GALNT17: variants seen among roughly 807,000 people sequenced by gnomAD.
GALNT17 encodes polypeptide N-acetylgalactosaminyltransferase 17.
Under a neutral mutation model 63.7 loss-of-function variants are expected in GALNT17, and 29 were observed. The ratio of observed to expected loss-of-function variants is 0.46; its 90% CI spans 0.34 to 0.62. The LOEUF (loss-of-function observed/expected upper bound fraction) is 0.62, where lower values mean the gene tolerates loss of function less well. GALNT17 is among the 20% of genes least tolerant of loss of function. The pLI, the probability that GALNT17 is intolerant of heterozygous loss-of-function variation, is 0.01. For missense variants in GALNT17, 603 were observed against 799.6 expected, an observed-to-expected ratio of 0.75 and a Z score of 2.97; for synonymous variants, 305 against 318.3, an observed-to-expected ratio of 0.96 and a Z score of 0.45.
intron 1 of GALNT17, among the ~76,000 whole-genome samples, chr7:71,212,287 C>G (rs1243356112): frequency 6.6e-6 from 1 of 152,200 alleles, no homozygotes; most frequent in African/African-American, 2.4e-5. Context: ...GCAGCTTCCA[C>G]ATGTTGTTGA....
chr7:71,454,534 C>T (rs1401708815), intron 5 of GALNT17, among the ~76,000 whole-genome samples: 1 of 152,116 alleles, frequency 6.6e-6, no homozygotes, highest in African/African-American at 2.4e-5. Context: ...CTTCCCAGGC[C>T]ATTCTGACAG....
intron 2 of GALNT17, among the ~76,000 whole-genome samples, chr7:71,359,759 C>G (rs1296778748): frequency 1.3e-5 from 2 of 151,750 alleles, no homozygotes; most frequent in African/African-American, 2.4e-5. Flanking sequence ...AATTTTTGTG[C>G]TTTTAGTAGA....
intron 1 of GALNT17, among the ~76,000 whole-genome samples, chr7:71,255,124 A>G (rs1032604806): frequency 2.6e-5 from 4 of 152,170 alleles, no homozygotes; most frequent in East Asian, 1.9e-4. Flanking sequence ...CAATGATCCT[A>G]TGCTAGGAAT....
rs375727681 is a variant in GALNT17 at position 71,488,688 on chromosome 7, T to C, written c.962+67583T>C. 1.2e-4 allele frequency among the ~76,000 whole-genome samples: 18 copies of C among 149,828 alleles called. No individual in the cohort carries two copies. In the East Asian group the frequency reaches 3.0e-3, roughly 25 times the overall value. ...TCTGCCTCCTAGGTTCAAGCAATTC[T>C]CTTGCCTCAGCCTGTGAGTAGCTTG... On this transcript the variant is annotated intron_variant, in intron 5 of 10. Transcript: ENST00000333538.
At chr7:71,227,309 G>A (rs1789699100) in intron 1 of GALNT17, among the ~76,000 whole-genome samples, 1 of 151,742 alleles carries the variant, frequency 6.6e-6, no homozygotes. Context: ...GGCTGCAGTG[G>A]GCCATGATTG....
chr7:71,394,124 C>T (rs1030154631), intron 3 of GALNT17, among the ~76,000 whole-genome samples: 2 of 152,092 alleles, frequency 1.3e-5, no homozygotes, highest in African/African-American at 4.8e-5. Flanking sequence ...GTAGACTGTA[C>T]AAGAAGCATG....
intron 6 of GALNT17, among the ~76,000 whole-genome samples, chr7:71,587,286 C>G (rs1789733622): frequency 6.6e-6 from 1 of 152,164 alleles, no homozygotes; most frequent in African/African-American, 2.4e-5. Context: ...CCTCAGCCTC[C>G]AAAAGTGCTG....
intron 1 of GALNT17, among the ~76,000 whole-genome samples, chr7:71,266,823 A>G (rs1184513692): frequency 1.3e-5 from 2 of 152,130 alleles, no homozygotes; most frequent in Non-Finnish European, 2.9e-5. Flanking sequence ...CCTGGTCCCA[A>G]ATATTGTCAC....
At chr7:71,605,650 T>C (rs1790034470) in intron 6 of GALNT17, among the ~76,000 whole-genome samples, 1 of 150,938 alleles carries the variant, frequency 6.6e-6, no homozygotes, top group Non-Finnish European at 1.5e-5. Flanking sequence ...AACAAACAAC[T>C]CAATAGTTAC....
In GALNT17 at chr7:71,456,616, C is replaced by T. The variant is rs145713117; in HGVS notation, c.962+35511C>T. Among the ~76,000 whole-genome samples the T allele has an allele frequency of 5.4e-3, 826 of 151,888 alleles. 8 individuals are homozygous for T. Among genetic ancestry groups the T allele is most frequent in the African/African-American group, 0.019 (788 of 41,440 alleles). On this transcript the variant is annotated intron_variant, in intron 5 of 10. Transcript: ENST00000333538. ...GCGGACGCCTGTAATCCCAGCTACTCAGGAGGCTATGGCAGGAGAATCGCT... is the reference window on the plus strand; with the variant it reads ...GCGGACGCCTGTAATCCCAGCTACTTAGGAGGCTATGGCAGGAGAATCGCT...
intron 6 of GALNT17, among the ~76,000 whole-genome samples, chr7:71,631,836 T>TA (rs1215566492): frequency 6.6e-6 from 1 of 152,034 alleles, no homozygotes; most frequent in East Asian, 1.9e-4. Flanking sequence ...GATTAAATAT[T>TA]AATTCTGCAC....
intron 1 of GALNT17, among the ~76,000 whole-genome samples, chr7:71,148,860 T>TTATATATATATATATATATATA (rs59163644): frequency 1.6e-4 from 17 of 103,248 alleles, no homozygotes; most frequent in African/African-American, 3.5e-4. Context: ...TATGGTATTT[T>TTATATATATATATATATATATA]TATATATATA....
rs771465510 is a variant in GALNT17 at position 71,420,899 on chromosome 7, A to G, written c.765-9A>G. 24 of 1,597,924 alleles carry G rather than the reference A, an allele frequency of 1.5e-5. No individual in the cohort carries two copies. The highest frequency in any genetic ancestry group is 2.0e-5 in the Non-Finnish European group (23 of 1,171,122). The stretch of plus-strand genomic sequence containing the variant: ...AGAGAGGTTTCATGTCTATTTCTCT[A>G]TGTTTCAGGGCTGAGCCGGTTCTAT... On this transcript the variant is annotated splice_polypyrimidine_tract_variant and intron_variant, in intron 4 of 10. Transcript: ENST00000333538.
At chr7:71,340,685 G>A (rs1791991963) in intron 2 of GALNT17, among the ~76,000 whole-genome samples, 2 of 152,134 alleles carry the variant, frequency 1.3e-5, no homozygotes, top group Non-Finnish European at 2.9e-5. Flanking sequence ...TGACTTAGGA[G>A]ATCATAGAAT....
chr7:71,291,015 T>G (rs562714622), intron 1 of GALNT17, among the ~76,000 whole-genome samples: 2 of 152,222 alleles, frequency 1.3e-5, no homozygotes, highest in African/African-American at 4.8e-5. Flanking sequence ...ATAGGACTTA[T>G]GTCAGGATTA....
chr7:71,675,358 T>C (rs1335591296), intron 8 of GALNT17, among the ~76,000 whole-genome samples: 1 of 152,184 alleles, frequency 6.6e-6, no homozygotes, highest in Non-Finnish European at 1.5e-5. Flanking sequence ...AATTACTGAA[T>C]GATAGATTTG....
At chr7:71,637,730 T>A (rs1790547708) in intron 6 of GALNT17, among the ~76,000 whole-genome samples, 1 of 152,118 alleles carries the variant, frequency 6.6e-6, no homozygotes, top group Non-Finnish European at 1.5e-5. Flanking sequence ...GGCTGGGATC[T>A]CCTGTACGCT....
chr7:71,213,199 A>G (rs1178215234), intron 1 of GALNT17, among the ~76,000 whole-genome samples: 1 of 152,146 alleles, frequency 6.6e-6, no homozygotes, highest in Non-Finnish European at 1.5e-5. Flanking sequence ...ATGATAGTGA[A>G]TATCTCACGA....
chr7:71,541,516 G>T (rs566709988), intron 5 of GALNT17, among the ~76,000 whole-genome samples: 2 of 152,264 alleles, frequency 1.3e-5, no homozygotes, highest in South Asian at 2.1e-4. Flanking sequence ...TCTCGCCACT[G>T]TATTCCGGCC....
Sources: gnomAD v4.1 joint callset for allele counts (sites outside exome capture counted in the v4.1 genomes callset) on GRCh38, gnomAD v4.1.1 for gene constraint, MANE v1.5 for transcripts, NCBI Gene and HGNC (gene_info 2026-07-23, HGNC 2026-07-21) for gene names.